CCSER1: variants seen among roughly 807,000 people sequenced by gnomAD.
The protein encoded by CCSER1 is coiled-coil serine rich protein 1.
Under a neutral mutation model 82.0 loss-of-function variants are expected in CCSER1, and 41 were observed. That is an observed-to-expected ratio of 0.50 (90% confidence interval 0.39 to 0.65). The LOEUF (loss-of-function observed/expected upper bound fraction) is 0.65, where lower values mean the gene tolerates loss of function less well. Among genes scored for constraint, CCSER1 ranks in the 30% least tolerant of loss-of-function variants. CCSER1 has a pLI of 0.00. For synonymous variants in CCSER1, 414 were observed against 383.9 expected, an observed-to-expected ratio of 1.08 and a Z score of -0.92; for missense variants, 1,119 against 1,064.2, an observed-to-expected ratio of 1.05 and a Z score of -0.72.
intron 6 of CCSER1, among the ~76,000 whole-genome samples, chr4:90,631,919 T>G (rs1447325263): frequency 6.6e-6 from 1 of 152,178 alleles, no homozygotes; most frequent in East Asian, 1.9e-4. Flanking sequence ...GACTTTCATG[T>G]TTAGAGTTGG....
chr4:90,996,061 C>T (rs1737466037), intron 9 of CCSER1, among the ~76,000 whole-genome samples: 1 of 151,622 alleles, frequency 6.6e-6, no homozygotes, highest in South Asian at 2.1e-4. Context: ...TATTATAGTC[C>T]AACAATGCTA....
chr4:90,720,586 A>C (rs1742506074), intron 6 of CCSER1, among the ~76,000 whole-genome samples: 1 of 152,012 alleles, frequency 6.6e-6, no homozygotes, highest in Non-Finnish European at 1.5e-5. Context: ...GCTCCCATAC[A>C]AAGGGAGGGG....
At chr4:91,017,449 G>A (rs1561473907) in intron 9 of CCSER1, 2 of 152,102 alleles carry the variant, frequency 1.3e-5, no homozygotes, top group African/African-American at 4.8e-5. Context: ...ACATGTGCAG[G>A]TTCGTTATAT....
rs73833394 is a variant in CCSER1, at chr4:90,426,344, G to A, written c.1603+26215G>A. Among the ~76,000 whole-genome samples, 854 of 152,226 alleles carry A rather than the reference G, an allele frequency of 5.6e-3. 7 individuals are homozygous for A. The highest frequency in any genetic ancestry group is 0.019 in the African/African-American group (798 of 41,538). ...CATGAGGAAGAAAGTATAATACTAGGCAATGATGATCAGGGCTAAAATAAT... is the reference window on the plus strand; with the variant it reads ...CATGAGGAAGAAAGTATAATACTAGACAATGATGATCAGGGCTAAAATAAT... On this transcript the variant is annotated intron_variant, in intron 4 of 10. Coordinates refer to ENST00000509176, the MANE Select transcript of CCSER1 (RefSeq NM_001145065.2).
At chr4:90,662,605 T>C (rs1380296123) in intron 6 of CCSER1, among the ~76,000 whole-genome samples, 1 of 152,152 alleles carries the variant, frequency 6.6e-6, no homozygotes, top group Non-Finnish European at 1.5e-5. Context: ...TATTTATTCA[T>C]TTGGGGAAAT....
chr4:91,181,942 T>C (rs940179778), intron 10 of CCSER1, among the ~76,000 whole-genome samples: 3 of 152,232 alleles, frequency 2.0e-5, no homozygotes, highest in African/African-American at 4.8e-5. Context: ...CCGATAAGTA[T>C]AATTGTTCTC....
At chr4:91,329,843 C>T (rs566379161) in intron 10 of CCSER1, among the ~76,000 whole-genome samples, 1 of 152,240 alleles carries the variant, frequency 6.6e-6, no homozygotes, top group East Asian at 1.9e-4. Context: ...TCATGTCCTC[C>T]TTTTAATTCC....
At chr4:90,234,209 T>G (rs1354149967) in intron 1 of CCSER1, among the ~76,000 whole-genome samples, 3 of 151,788 alleles carry the variant, frequency 2.0e-5, no homozygotes, top group Non-Finnish European at 1.5e-5. Flanking sequence ...TCAGCCTCTC[T>G]TATTCTTTTT....
intron 1 of CCSER1, among the ~76,000 whole-genome samples, chr4:90,275,878 T>TATGAATTG (rs2153456977): frequency 6.6e-6 from 1 of 152,274 alleles, no homozygotes; most frequent in African/African-American, 2.4e-5. Flanking sequence ...GCAAAAGTGT[T>TATGAATTG]AATGAAATAT....
intron 10 of CCSER1, among the ~76,000 whole-genome samples, chr4:91,536,893 T>C (rs1761326371): frequency 6.6e-6 from 1 of 152,076 alleles, no homozygotes; most frequent in South Asian, 2.1e-4. Context: ...ACTCCTAAGA[T>C]TTCAGGATTT....
chr4:90,505,232 C>A (rs1770518991), intron 5 of CCSER1, among the ~76,000 whole-genome samples: 1 of 152,218 alleles, frequency 6.6e-6, no homozygotes, highest in African/African-American at 2.4e-5. Flanking sequence ...AGATGGGCTA[C>A]AAAGGACTTG....
chr4:90,987,876 C>G (rs2150438527), intron 9 of CCSER1, among the ~76,000 whole-genome samples: 1 of 151,710 alleles, frequency 6.6e-6, no homozygotes, highest in East Asian at 2.0e-4. Flanking sequence ...GACATAAACC[C>G]TATAAGGTTT....
At chr4:90,394,141 T>G (rs2153540626) in intron 3 of CCSER1, among the ~76,000 whole-genome samples, 1 of 151,902 alleles carries the variant, frequency 6.6e-6, no homozygotes, top group Admixed American at 6.6e-5. Flanking sequence ...AATTCATTAT[T>G]TCTGCCATTA....
At chr4:90,241,028 T>C (rs937557299) in intron 1 of CCSER1, among the ~76,000 whole-genome samples, 3 of 152,218 alleles carry the variant, frequency 2.0e-5, no homozygotes, top group African/African-American at 7.2e-5. Context: ...AAATCACTTT[T>C]ATAAGCAAGT....
At chr4:90,466,559 C>G (rs563126535) in intron 4 of CCSER1, among the ~76,000 whole-genome samples, 7 of 152,228 alleles carry the variant, frequency 4.6e-5, no homozygotes, top group African/African-American at 1.7e-4. Context: ...ATCAGGGAAC[C>G]CAGTTGAGCC....
At chr4:90,732,635 T>G (rs1439884504) in intron 7 of CCSER1, among the ~76,000 whole-genome samples, 2 of 152,194 alleles carry the variant, frequency 1.3e-5, no homozygotes, top group African/African-American at 4.8e-5. Flanking sequence ...TATGTAGGAC[T>G]CTGGTTACCA....
Position 90,135,493 on chromosome 4 carries a change from A to T in CCSER1, c.-42+7662A>T, listed in dbSNP as rs115578346. ...AACACAACACTTTCCTGGATCTCCA[A>T]ACATTGCTAGCTCTTAGAAGTATGC... On this transcript the variant is annotated intron_variant, in intron 1 of 10. Coordinates refer to ENST00000509176, the MANE Select transcript of CCSER1 (RefSeq NM_001145065.2). Among the ~76,000 whole-genome samples, 231 of 152,318 alleles carry T rather than the reference A, an allele frequency of 1.5e-3. 2 individuals are homozygous for T. The highest frequency in any genetic ancestry group is 5.4e-3 in the African/African-American group (224 of 41,560).
chr4:90,675,544 C>A (rs1242432805), intron 6 of CCSER1, among the ~76,000 whole-genome samples: 4 of 151,492 alleles, frequency 2.6e-5, no homozygotes, highest in Non-Finnish European at 1.5e-5. Flanking sequence ...TATGGGTAGA[C>A]CAATTTTTTT....
At chr4:91,113,212 T>C (rs1726237022) in intron 10 of CCSER1, among the ~76,000 whole-genome samples, 1 of 152,206 alleles carries the variant, frequency 6.6e-6, no homozygotes, top group African/African-American at 2.4e-5. Context: ...GTACAGGAAG[T>C]GTTTATTAAA....
Sources: allele counts gnomAD v4.1 joint callset (sites outside exome capture counted in the v4.1 genomes callset), GRCh38; gene constraint gnomAD v4.1.1; transcripts MANE v1.5; gene names NCBI Gene and HGNC (gene_info 2026-07-23, HGNC 2026-07-21).